CSMD1: variants seen among roughly 807,000 people sequenced by gnomAD.
CSMD1 encodes the protein CUB and sushi domain-containing protein 1.
A neutral mutation model predicts 417.5 loss-of-function variants in CSMD1; 213 were observed. The ratio of observed to expected loss-of-function variants is 0.51; its 90% CI spans 0.46 to 0.57. CSMD1 has a LOEUF of 0.57. Among genes scored for constraint, CSMD1 ranks in the 20% least tolerant of loss-of-function variants. CSMD1 has a pLI of 0.00. For missense variants in CSMD1, 6,923 were observed against 4,529.7 expected (o/e 1.53, Z -15.17); for synonymous variants, 2,862 against 1,736.8 (o/e 1.65, Z -16.11).
chr8:3,588,479 G>C (rs1640868705), intron 8 of CSMD1, among the ~76,000 whole-genome samples: 1 of 152,066 alleles, frequency 6.6e-6, no homozygotes, highest in Non-Finnish European at 1.5e-5. Flanking sequence ...AGTTCAAACA[G>C]AAAGGGAGGG....
At chr8:3,101,951 GCCA>G (rs1815788376) in intron 46 of CSMD1, among the ~76,000 whole-genome samples, 2 of 151,882 alleles carry the variant, frequency 1.3e-5, no homozygotes, top group South Asian at 4.2e-4. Context: ...ACAGATGTCT[GCCA>G]CCACATCTGG....
chr8:3,742,670 C>T (rs1796871472), intron 6 of CSMD1, among the ~76,000 whole-genome samples: 2 of 152,040 alleles, frequency 1.3e-5, no homozygotes, highest in South Asian at 4.1e-4. Context: ...TACACCTACA[C>T]TCAGAGTCAG....
chr8:2,973,673 A>AAG (rs1554476378), intron 56 of CSMD1, among the ~76,000 whole-genome samples: 25 of 152,280 alleles, frequency 1.6e-4, no homozygotes, highest in African/African-American at 5.5e-4. Context: ...GGAAAAAAAA[A>AAG]AAAAAAGTCA....
chr8:3,230,829 C>T (rs553807310), intron 26 of CSMD1, among the ~76,000 whole-genome samples: 1 of 152,138 alleles, frequency 6.6e-6, no homozygotes, highest in Non-Finnish European at 1.5e-5. Flanking sequence ...TATATGGCCA[C>T]CCTAATATTA....
intron 2 of CSMD1, among the ~76,000 whole-genome samples, chr8:4,504,031 A>G (rs916886935): frequency 2.6e-5 from 4 of 152,016 alleles, no homozygotes; most frequent in African/African-American, 9.7e-5. Context: ...CTGTGTTCTC[A>G]TGTTCATTGC....
intron 3 of CSMD1, among the ~76,000 whole-genome samples, chr8:4,051,926 C>G (rs866983231): frequency 6.0e-5 from 6 of 99,242 alleles, no homozygotes; most frequent in Admixed American, 3.9e-4. Context: ...CTTTCTTTTT[C>G]TTTCTTTCTT....
chr8:4,713,215 T>C (rs567024222), intron 1 of CSMD1, among the ~76,000 whole-genome samples: 3 of 152,300 alleles, frequency 2.0e-5, no homozygotes, highest in African/African-American at 4.8e-5. Flanking sequence ...TTAGACCAAA[T>C]TAGTTTCAGA....
At chr8:3,508,417 T>C (rs1796925223) in intron 10 of CSMD1, among the ~76,000 whole-genome samples, 1 of 151,800 alleles carries the variant, frequency 6.6e-6, no homozygotes, top group Non-Finnish European at 1.5e-5. Context: ...AGTGACGAGT[T>C]AATGGGTGCA....
At chr8:4,833,183 C>G (rs1205034613) in intron 1 of CSMD1, among the ~76,000 whole-genome samples, 1 of 152,120 alleles carries the variant, frequency 6.6e-6, no homozygotes, top group Admixed American at 6.5e-5. Context: ...ATAAAAAAAA[C>G]TATGTGAGAC....
At chr8:4,195,904 A>G (rs1329192866) in intron 3 of CSMD1, among the ~76,000 whole-genome samples, 1 of 152,046 alleles carries the variant, frequency 6.6e-6, no homozygotes, top group Non-Finnish European at 1.5e-5. Flanking sequence ...TCCCACCCCG[A>G]GAAAACTATG....
intron 12 of CSMD1, among the ~76,000 whole-genome samples, chr8:3,421,597 T>TA (rs368008043): frequency 1.4e-4 from 22 of 152,118 alleles, no homozygotes; most frequent in African/African-American, 3.1e-4. Flanking sequence ...AACCCCAAGA[T>TA]AAAAAAAATC....
intron 3 of CSMD1, among the ~76,000 whole-genome samples, chr8:4,334,443 A>T (rs1182109611): frequency 6.6e-6 from 1 of 152,152 alleles, no homozygotes; most frequent in Non-Finnish European, 1.5e-5. Flanking sequence ...ATTCTTTCTC[A>T]AGACTGCAAC....
At chr8:3,996,935 T>G (rs1815265560) in intron 5 of CSMD1, among the ~76,000 whole-genome samples, 1 of 152,208 alleles carries the variant, frequency 6.6e-6, no homozygotes, top group East Asian at 1.9e-4. Flanking sequence ...TTGACATGTT[T>G]GTCTGGTAGC....
intron 4 of CSMD1, among the ~76,000 whole-genome samples, chr8:4,021,182 G>A (rs1796772167): frequency 6.6e-6 from 1 of 152,172 alleles, no homozygotes; most frequent in Non-Finnish European, 1.5e-5. Flanking sequence ...AGTCAGCATT[G>A]CAAAATGGCA....
At chr8:3,543,904 AC>A in intron 10 of CSMD1, among the ~76,000 whole-genome samples, 1 of 152,224 alleles carries the variant, frequency 6.6e-6, no homozygotes, top group South Asian at 2.1e-4. Flanking sequence ...GATGTGGAGG[AC>A]CCTGAGAACT....
intron 7 of CSMD1, among the ~76,000 whole-genome samples, chr8:3,651,632 A>G (rs1797862737): frequency 6.6e-6 from 1 of 151,822 alleles, no homozygotes; most frequent in African/African-American, 2.4e-5. Context: ...CATCCACTCT[A>G]TTTTACCTCA....
chr8:4,597,737 AG>A (rs1704325772), intron 2 of CSMD1, among the ~76,000 whole-genome samples: 1 of 152,152 alleles, frequency 6.6e-6, no homozygotes, highest in East Asian at 1.9e-4. Flanking sequence ...ACTGTAGTTT[AG>A]CTTTTCTTCT....
intron 5 of CSMD1, among the ~76,000 whole-genome samples, chr8:3,852,759 A>T (rs1019123096): frequency 6.6e-6 from 1 of 152,200 alleles, no homozygotes; most frequent in South Asian, 2.1e-4. Flanking sequence ...CCCGCTGCAC[A>T]GGTTTGTAGG....
intron 26 of CSMD1, among the ~76,000 whole-genome samples, chr8:3,261,831 G>A (rs1310335088): frequency 6.6e-6 from 1 of 152,100 alleles, no homozygotes; most frequent in Non-Finnish European, 1.5e-5. Context: ...ATGAATGGCT[G>A]CCAGGGATTA....
Sources: allele counts gnomAD v4.1 joint callset (sites outside exome capture counted in the v4.1 genomes callset), GRCh38; gene constraint gnomAD v4.1.1; transcripts MANE v1.5; gene names NCBI Gene and HGNC (gene_info 2026-07-23, HGNC 2026-07-21).